The following TET1 variants were observed in gnomAD, a reference collection of about 807,000 sequenced individuals.
The protein encoded by TET1 is tet methylcytosine dioxygenase 1, also known as methylcytosine dioxygenase TET1.
TET1 carries 13 observed loss-of-function variants against 148.7 expected under a neutral mutation model. The ratio of observed to expected loss-of-function variants is 0.09; its 90% CI spans 0.06 to 0.14. The LOEUF (loss-of-function observed/expected upper bound fraction) is 0.14. Ranked by LOEUF, TET1 falls within the 10% of genes least tolerant of loss-of-function variation. The pLI is 1.00. For synonymous variants in TET1, 907 were observed against 937.2 expected, an observed-to-expected ratio of 0.97 and a Z score of 0.59; for missense variants, 2,182 against 2,553.8, an observed-to-expected ratio of 0.85 and a Z score of 3.14.
chr10:68,693,289 T>C lies in TET1; in HGVS notation c.*1475T>C. On this transcript the variant is annotated 3_prime_UTR_variant, in exon 12 of 12. Transcript: ENST00000373644. ...ATTTTCAATGAAATACTTGATTCTG[T>C]TAAAATGCAGAGGTGCTATAACATT... 1 of 233,034 alleles carries C rather than the reference T, an allele frequency of 4.3e-6. No homozygotes were observed. Among genetic ancestry groups the C allele is most frequent in the Non-Finnish European group, 8.5e-6 (1 of 117,758 alleles). The allele number at this position is 233,034 out of a possible 1,614,324, so 14.4% of individuals were successfully genotyped here. A position where few individuals can be genotyped will look rare whatever the true frequency, so the allele number is the denominator to read the frequency against.
In TET1 at chr10:68,690,910, C is replaced by A; in HGVS notation, c.5507C>A (p.Ser1836Tyr). ...ACTAAAACTTATTCGCTGATGCCAT[C>A]CGCTCCTCACCCAGTGAAAGAGGCA... is the stretch of plus-strand genomic sequence containing the variant. The part of the protein sequence containing the change: ...DNTKTYSLMP[S>Y]APHPVKEASP... Residue 1836 changes from serine to tyrosine, a missense_variant, in exon 12 of 12, where the codon TCC becomes TAC. Physicochemically the swap from Ser to Tyr is moderately radical, Grantham distance 144 (BLOSUM62 -2). Around this residue, in one of 11 missense-constraint regions of TET1, gnomAD observed 380 missense variants for 387.9 expected, o/e 0.98. Coordinates refer to ENST00000373644, the MANE Select transcript of TET1 (RefSeq NM_030625.3). 6.2e-7 allele frequency: 1 copy of A among 1,614,236 alleles called. No individual in the cohort carries two copies. The highest frequency in any genetic ancestry group is 1.1e-5 in the South Asian group (1 of 91,084).
chr10:68,641,482 T>G (rs12241141), intron 3 of TET1, among the ~76,000 whole-genome samples: 14 of 141,854 alleles, frequency 9.9e-5, no homozygotes, highest in African/African-American at 4.3e-4. Flanking sequence ...ATTTATTTAT[T>G]TATTTATTTA....
At chr10:68,616,921 A>G (rs562215170) in intron 3 of TET1, among the ~76,000 whole-genome samples, 71 of 139,516 alleles carry the variant, frequency 5.1e-4, no homozygotes, top group African/African-American at 1.8e-3. Flanking sequence ...GTTAGCCAGG[A>G]TGGTCTCAAT....
At chr10:68,631,475 GT>G (rs2054571025) in intron 3 of TET1, among the ~76,000 whole-genome samples, 1 of 118,194 alleles carries the variant, frequency 8.5e-6, no homozygotes, top group African/African-American at 3.1e-5. Context: ...GTAGAGCTGG[GT>G]TTTGCCATGT....
intron 2 of TET1, among the ~76,000 whole-genome samples, chr10:68,590,570 A>G (rs1279784004): frequency 6.6e-6 from 1 of 152,002 alleles, no homozygotes; most frequent in Non-Finnish European, 1.5e-5. Context: ...GTTTTGTATA[A>G]GATCCCAGCA....
chr10:68,631,433 C>CTTCTTTTTTTT (rs2054568399), intron 3 of TET1, among the ~76,000 whole-genome samples: 1 of 110,584 alleles, frequency 9.0e-6, no homozygotes, highest in Non-Finnish European at 1.8e-5. Flanking sequence ...TTTCTTTCTT[C>CTTCTTTTTTTT]TTTTTTTTTT....
chr10:68,683,875 A>T (rs1343756887), intron 10 of TET1, among the ~76,000 whole-genome samples: 1 of 152,200 alleles, frequency 6.6e-6, no homozygotes, highest in South Asian at 2.1e-4. Context: ...GTTTATAGTT[A>T]TGTAAATCAT....
chr10:68,678,457 G>A (rs1420259683), intron 8 of TET1, among the ~76,000 whole-genome samples: 2 of 152,134 alleles, frequency 1.3e-5, no homozygotes, highest in African/African-American at 2.4e-5. Context: ...TAGATACAGA[G>A]TGTGAACAGA....
In TET1 at chr10:68,644,749, T is replaced by A. The variant is rs138802838; in HGVS notation, c.2020T>A (p.Tyr674Asn). ...TGGCCCCAAGTCAGAATCCATGGACTACAGTAGATGTGGTCATGGGGAAGA... is the reference window on the plus strand; with the variant it reads ...TGGCCCCAAGTCAGAATCCATGGACAACAGTAGATGTGGTCATGGGGAAGA... Reference protein sequence around the residue: ...VNGPKSESMDYSRCGHGEEQK... With the variant: ...VNGPKSESMDNSRCGHGEEQK... The change falls in exon 4 of 12, where the codon TAC becomes AAC. Residue 674 changes from tyrosine (Y) to asparagine (N), a missense_variant. Physicochemically the swap from Tyr to Asn is moderately radical, Grantham distance 143. This residue lies in a region of TET1 where 226 missense variants were observed against 307.4 expected (regional missense o/e 0.74). Transcript: ENST00000373644. 1.2e-6 allele frequency: 2 copies of A among 1,604,620 alleles called. No individual in the cohort carries two copies. Among genetic ancestry groups the A allele is most frequent in the Non-Finnish European group, 1.7e-6 (2 of 1,177,398 alleles).
intron 3 of TET1, among the ~76,000 whole-genome samples, chr10:68,620,920 G>A (rs1197381318): frequency 1.3e-5 from 2 of 152,148 alleles, no homozygotes; most frequent in African/African-American, 2.4e-5. Context: ...ATCTTTTCAT[G>A]TGCCTCTTGG....
chr10:68,600,098 G>A (rs2054034622), intron 2 of TET1, among the ~76,000 whole-genome samples: 2 of 152,088 alleles, frequency 1.3e-5, no homozygotes, highest in Non-Finnish European at 2.9e-5. Context: ...CAACAGCTGA[G>A]CCTACACTGT....
intron 2 of TET1, among the ~76,000 whole-genome samples, chr10:68,576,297 G>C (rs1216634551): frequency 6.6e-6 from 1 of 151,432 alleles, no homozygotes; most frequent in African/African-American, 2.4e-5. Flanking sequence ...GTTGCAGCGA[G>C]TGGAGGTTGC....
chr10:68,572,656 A>G lies in TET1; in HGVS notation c.318A>G (p.Leu106=), dbSNP rs968969273. 10 of 1,614,152 alleles carry G rather than the reference A, an allele frequency of 6.2e-6. No individual in the cohort carries two copies. In the Admixed American group the frequency reaches 8.3e-5, roughly 13 times the overall value. Residue 106 remains leucine, a synonymous_variant, in exon 2 of 12, where the codon CTA becomes CTG. Coordinates refer to ENST00000373644, the MANE Select transcript of TET1 (RefSeq NM_030625.3). Reference sequence around the variant, plus strand: ...CCTGCAATGGGTTTACAATGGCGCTACGAAGCACCTCTCTTAGCAGGCGAC... The same window carrying G: ...CCTGCAATGGGTTTACAATGGCGCTGCGAAGCACCTCTCTTAGCAGGCGAC... ...SLTCNGFTMA[L]RSTSLSRRLS... is the part of the protein sequence containing the mutation.
chr10:68,692,445 T>C lies in TET1; in HGVS notation c.*631T>C, dbSNP rs2055605991. Reference sequence around the variant, plus strand: ...ATATATATTTTAAAAGCACTTTCTATTTTTAAAAGTAACTTGAAATAATAT... The same window carrying C: ...ATATATATTTTAAAAGCACTTTCTACTTTTAAAAGTAACTTGAAATAATAT... On this transcript the variant is annotated 3_prime_UTR_variant, in exon 12 of 12. Coordinates refer to ENST00000373644, the MANE Select transcript of TET1 (RefSeq NM_030625.3). 2 of 232,158 alleles carry C rather than the reference T, an allele frequency of 8.6e-6. No homozygotes were observed. 14.4% of individuals were successfully genotyped at this position (232,158 alleles called of 1,614,324 possible).
intron 7 of TET1, among the ~76,000 whole-genome samples, chr10:68,669,300 C>T (rs1287996197): frequency 1.3e-5 from 2 of 151,522 alleles, no homozygotes; most frequent in African/African-American, 4.8e-5. Flanking sequence ...AATACTTCAG[C>T]GGAGTCTTTT....
At chr10:68,617,784 G>A (rs1416268335) in intron 3 of TET1, among the ~76,000 whole-genome samples, 2 of 151,896 alleles carry the variant, frequency 1.3e-5, no homozygotes, top group African/African-American at 4.8e-5. Context: ...AGCCTCAGGT[G>A]ATCCACCCGC....
intron 3 of TET1, chr10:68,632,473 T>C: frequency 1.2e-6 from 2 of 1,612,816 alleles, no homozygotes; most frequent in Non-Finnish European, 1.7e-6. Context: ...GCATTCAATA[T>C]TGTATGGTTC....
intron 2 of TET1, among the ~76,000 whole-genome samples, chr10:68,580,487 C>A (rs941339897): frequency 4.0e-5 from 6 of 150,024 alleles, no homozygotes; most frequent in Non-Finnish European, 8.9e-5. Flanking sequence ...ACTTAAAAAT[C>A]TTTTGTAGAA....
intron 6 of TET1, among the ~76,000 whole-genome samples, chr10:68,664,671 T>A (rs970050562): frequency 3.8e-4 from 1 of 2,604 alleles, no homozygotes; most frequent in Non-Finnish European, 1.1e-3. Context: ...CCAGCCTGCA[T>A]TTTTTTTTTT....
Sources: gnomAD v4.1 joint callset for allele counts (sites outside exome capture counted in the v4.1 genomes callset) on GRCh38, gnomAD v4.1.1 for gene constraint, gnomAD v4.1.1 regional missense constraint, MANE v1.5 for transcripts, NCBI Gene and HGNC (gene_info 2026-07-23, HGNC 2026-07-21) for gene names.